The following PRKN variants were observed in gnomAD, a reference collection of about 807,000 sequenced individuals.
PRKN encodes the protein E3 ubiquitin-protein ligase parkin.
Under a neutral mutation model 59.5 loss-of-function variants are expected in PRKN, and 56 were observed. The ratio of observed to expected loss-of-function variants is 0.94; its 90% confidence interval spans 0.76 to 1.18. The LOEUF (loss-of-function observed/expected upper bound fraction) is 1.18. Among genes scored for constraint, PRKN ranks in the 50% most tolerant of loss-of-function variants. PRKN has a pLI of 0.00. For synonymous variants in PRKN, 250 were observed against 222.1 expected (o/e 1.13, Z -1.12); for missense variants, 657 against 596.4 (o/e 1.10, Z -1.06).
intron 2 of PRKN, among the ~76,000 whole-genome samples, chr6:162,389,011 A>AAG (rs1262807919): frequency 3.3e-5 from 5 of 150,614 alleles, no homozygotes; most frequent in Admixed American, 1.3e-4. Context: ...CCTCCAGAAA[A>AAG]AAAAAAAAAA....
chr6:162,200,064 G>A (rs1313529263), intron 4 of PRKN, among the ~76,000 whole-genome samples: 1 of 152,106 alleles, frequency 6.6e-6, no homozygotes, highest in Non-Finnish European at 1.5e-5. Context: ...ATTTTGCTGT[G>A]GTTTCCGTCA....
At chr6:162,720,772 C>A (rs1778913874) in intron 1 of PRKN, among the ~76,000 whole-genome samples, 1 of 152,114 alleles carries the variant, frequency 6.6e-6, no homozygotes, top group Non-Finnish European at 1.5e-5. Context: ...TAATATGTGC[C>A]TAGGTATATG....
chr6:162,455,304 T>C (rs945330808), intron 1 of PRKN, among the ~76,000 whole-genome samples: 6 of 152,188 alleles, frequency 3.9e-5, no homozygotes, highest in African/African-American at 7.2e-5. Flanking sequence ...TACTCCTCTG[T>C]AGTATAGTTA....
intron 3 of PRKN, among the ~76,000 whole-genome samples, chr6:162,257,701 G>A (rs1192082051): frequency 2.0e-5 from 3 of 152,046 alleles, no homozygotes; most frequent in Admixed American, 6.6e-5. Flanking sequence ...CCAGGTTTGC[G>A]GCAAGCACTC....
intron 9 of PRKN, among the ~76,000 whole-genome samples, chr6:161,394,618 G>T (rs1052734595): frequency 5.3e-5 from 8 of 152,112 alleles, no homozygotes; most frequent in African/African-American, 9.7e-5. Flanking sequence ...CCATCTTTCA[G>T]TTGTGCAGTC....
At chr6:161,365,671 G>A (rs1206191512) in intron 10 of PRKN, among the ~76,000 whole-genome samples, 5 of 152,164 alleles carry the variant, frequency 3.3e-5, no homozygotes, top group African/African-American at 4.8e-5. Flanking sequence ...CCGATCCCCC[G>A]AGCACACAAG....
intron 3 of PRKN, among the ~76,000 whole-genome samples, chr6:162,226,063 TTAA>T (rs746613563): frequency 0.033 from 4,630 of 141,144 alleles, 138 homozygotes; most frequent in African/African-American, 0.079. Flanking sequence ...ATCAATAAGT[TTAA>T]TAATAATAAT....
Position 161,575,534 on chromosome 6 carries a change from G to A in PRKN, c.872-6118C>T, listed in dbSNP as rs924166389. ...ACTCATTTGGAAAATATATTCCATTGAGAAGCATTAAAAACCACATGAGTC... is the reference window on the plus strand; with the variant it reads ...ACTCATTTGGAAAATATATTCCATTAAGAAGCATTAAAAACCACATGAGTC... On this transcript the variant is annotated intron_variant, in intron 7 of 11. Coordinates refer to ENST00000366898, the MANE Select transcript of PRKN (RefSeq NM_004562.3). The surrounding 1 kb of genome is among the most constrained non-coding windows in gnomAD (Gnocchi z 4.6). 6.6e-6 allele frequency among the ~76,000 whole-genome samples: 1 copy of A among 152,208 alleles called. No individual in the cohort carries two copies. The highest frequency in any genetic ancestry group is 2.4e-5 in the African/African-American group (1 of 41,440).
At chr6:162,212,069 C>G (rs1390759144) in intron 3 of PRKN, among the ~76,000 whole-genome samples, 3 of 152,156 alleles carry the variant, frequency 2.0e-5, no homozygotes, top group Non-Finnish European at 4.4e-5. Flanking sequence ...ACACTCTTCA[C>G]TGGTACTGTG....
At chr6:162,590,418 C>T (rs943334161) in intron 1 of PRKN, among the ~76,000 whole-genome samples, 3 of 152,162 alleles carry the variant, frequency 2.0e-5, no homozygotes, top group African/African-American at 7.2e-5. Context: ...TTTGTATCAA[C>T]CTTAATCTAT....
At chr6:161,394,078 C>T (rs1000305305) in intron 9 of PRKN, among the ~76,000 whole-genome samples, 3 of 152,148 alleles carry the variant, frequency 2.0e-5, no homozygotes, top group Non-Finnish European at 2.9e-5. Context: ...AGTCACCAGC[C>T]GCTGATATAT....
rs372834955 is a variant in PRKN at position 162,443,300 on chromosome 6, G to A, written c.171+10C>T. On this transcript the variant is annotated intron_variant, in intron 2 of 11. Coordinates refer to ENST00000366898, the MANE Select transcript of PRKN (RefSeq NM_004562.3). ...CGGCATCCCAAGAACGGCCGCCAAG[G>A]GAGACTCACCTGCACAGTCCAGTCA... 7 of 1,612,014 alleles carry A rather than the reference G, an allele frequency of 4.3e-6. No individual in the cohort carries two copies. In the East Asian group the frequency reaches 6.7e-5, roughly 15 times the overall value.
intron 7 of PRKN, among the ~76,000 whole-genome samples, chr6:161,572,064 T>C (rs916557298): frequency 1.4e-4 from 22 of 152,252 alleles, no homozygotes; most frequent in Admixed American, 7.8e-4. Context: ...GCAGGACTGC[T>C]TGGCCGCCAT....
At chr6:162,170,026 G>C (rs1783197171) in intron 4 of PRKN, among the ~76,000 whole-genome samples, 1 of 152,160 alleles carries the variant, frequency 6.6e-6, no homozygotes, top group South Asian at 2.1e-4. Context: ...TCATTACAAA[G>C]TGAAATTCAC....
At chr6:162,085,860 TGA>T (rs1779225448) in intron 4 of PRKN, among the ~76,000 whole-genome samples, 1 of 152,150 alleles carries the variant, frequency 6.6e-6, no homozygotes, top group Non-Finnish European at 1.5e-5. Context: ...TTCTCAGAAC[TGA>T]GAGATTTTAT....
chr6:161,919,979 T>G (rs1778716899), intron 6 of PRKN, among the ~76,000 whole-genome samples: 1 of 152,216 alleles, frequency 6.6e-6, no homozygotes, highest in South Asian at 2.1e-4. Context: ...CAGAGCATAC[T>G]TACACAAACC....
chr6:161,670,430 T>C (rs1230659566), intron 7 of PRKN, among the ~76,000 whole-genome samples: 1 of 152,116 alleles, frequency 6.6e-6, no homozygotes, highest in African/African-American at 2.4e-5. Flanking sequence ...CCCTTGGCAT[T>C]CCTTGGTGTG....
intron 1 of PRKN, among the ~76,000 whole-genome samples, chr6:162,714,007 T>C (rs907018992): frequency 4.6e-5 from 7 of 152,166 alleles, no homozygotes; most frequent in African/African-American, 1.7e-4. Flanking sequence ...ATAAAATAAA[T>C]GGTTTTTCAG....
rs1442107876 is a variant in PRKN, at chr6:161,460,799, G to C, written c.1084-73922C>G. Among the ~76,000 whole-genome samples the C allele has an allele frequency of 6.6e-6, 1 of 151,646 alleles. No individual in the cohort carries two copies. The highest frequency in any genetic ancestry group is 1.5e-5 in the Non-Finnish European group (1 of 67,896). ...GGAGTCTCGTTCTGTCGCCAGGCTG[G>C]AGTGCAGTGTCACAATCTCGGCCCA... On this transcript the variant is annotated intron_variant, in intron 9 of 11. Coordinates refer to ENST00000366898, the MANE Select transcript of PRKN (RefSeq NM_004562.3). This position sits in a 1 kb window ranked among gnomAD's most constrained non-coding sequence, Gnocchi z 5.0.
Sources: gnomAD v4.1 joint callset for allele counts (sites outside exome capture counted in the v4.1 genomes callset) on GRCh38, gnomAD v4.1.1 for gene constraint, Gnocchi (gnomAD v3.1) non-coding constraint, MANE v1.5 for transcripts, NCBI Gene and HGNC (gene_info 2026-07-23, HGNC 2026-07-21) for gene names.